Variants in XKR6 observed in about 807,000 individuals in gnomAD.
XKR6 encodes the protein XK-related protein 6.
A neutral mutation model predicts 56.7 loss-of-function variants in XKR6; 22 were observed. The ratio of observed to expected loss-of-function variants is 0.39; its 90% CI spans 0.28 to 0.55. The LOEUF (loss-of-function observed/expected upper bound fraction) is 0.55. XKR6 is among the 20% of genes least tolerant of loss of function. The probability of loss-of-function intolerance (pLI) is 0.66; values close to 1 mark genes in which losing one functional copy is unlikely to be tolerated. For missense variants in XKR6, 852 were observed against 889.0 expected, an observed-to-expected ratio of 0.96 and a Z score of 0.53; for synonymous variants, 524 against 387.8, an observed-to-expected ratio of 1.35 and a Z score of -4.13.
chr8:10,952,249 G>A (rs1394093507), intron 1 of XKR6, among the ~76,000 whole-genome samples: 1 of 152,048 alleles, frequency 6.6e-6, no homozygotes, highest in African/African-American at 2.4e-5. Context: ...GAAGTGATTG[G>A]GTAATGGGGT....
intron 1 of XKR6, among the ~76,000 whole-genome samples, chr8:11,144,244 G>GTGTGTA (rs1554471243): frequency 6.4e-4 from 96 of 149,536 alleles, no homozygotes; most frequent in African/African-American, 2.3e-3. Context: ...GTGTGTGTGT[G>GTGTGTA]TGTGTGTGTG....
At chr8:11,032,851 C>T (rs1457150577) in intron 1 of XKR6, among the ~76,000 whole-genome samples, 6 of 152,196 alleles carry the variant, frequency 3.9e-5, no homozygotes, top group Non-Finnish European at 8.8e-5. Flanking sequence ...CACTGGCCCT[C>T]CCCTCATGAG....
intron 1 of XKR6, among the ~76,000 whole-genome samples, chr8:11,144,938 CGAGGAAAGAAGGGAGAGAAGG>C (rs1258952500): frequency 4.7e-5 from 6 of 127,038 alleles, no homozygotes; most frequent in Non-Finnish European, 6.4e-5. Context: ...GGGAGAGAAG[CGAGGAAAGAAGGGAGAGAAGG>C]GAGGAAGGAA....
At chr8:11,069,853 G>C (rs183490245) in intron 1 of XKR6, among the ~76,000 whole-genome samples, 129 of 152,300 alleles carry the variant, frequency 8.5e-4, no homozygotes, top group African/African-American at 2.9e-3. Context: ...TGTGACAGGA[G>C]AGCTTCTAGG....
intron 1 of XKR6, among the ~76,000 whole-genome samples, chr8:11,040,907 G>T (rs1799270725): frequency 1.3e-5 from 2 of 152,162 alleles, no homozygotes; most frequent in Non-Finnish European, 2.9e-5. Context: ...CCAAATCTCA[G>T]TTTGGGGGCC....
At position 10,974,437 on chromosome 8, in the gene XKR6, C is replaced by T. The variant is rs562990803; in HGVS notation, c.765-49607G>A. On this transcript the variant is annotated intron_variant, in intron 1 of 2. Transcript: ENST00000416569. The stretch of plus-strand genomic sequence containing the variant: ...TTGAAACCACCCGCTCAGAGGGAGG[C>T]AGATGCTCCCCAGAAAGGCTACCAT... 8.5e-5 allele frequency among the ~76,000 whole-genome samples: 13 copies of T among 152,318 alleles called. No homozygotes were observed. The South Asian group carries it at 2.7e-3, about 32-fold the overall frequency.
At chr8:10,947,900 G>A (rs923550215) in intron 1 of XKR6, among the ~76,000 whole-genome samples, 18 of 152,288 alleles carry the variant, frequency 1.2e-4, no homozygotes, top group Non-Finnish European at 1.6e-4. Context: ...ATTCCTGGGC[G>A]ATCTTTTCAG....
At chr8:10,907,840 C>G (rs1800225004) in intron 2 of XKR6, among the ~76,000 whole-genome samples, 1 of 152,236 alleles carries the variant, frequency 6.6e-6, no homozygotes, top group Admixed American at 6.5e-5. Flanking sequence ...GAGGCCCTGC[C>G]TGAGTGTTCA....
intron 1 of XKR6, among the ~76,000 whole-genome samples, chr8:11,158,725 T>G (rs984198163): frequency 1.2e-4 from 19 of 152,308 alleles, no homozygotes; most frequent in South Asian, 2.1e-4. Context: ...CAGACAGGAA[T>G]GGCAGGCTTC....
intron 1 of XKR6, among the ~76,000 whole-genome samples, chr8:10,946,592 C>T (rs1377449524): frequency 6.6e-6 from 1 of 152,090 alleles, no homozygotes. Context: ...CCACAATCTG[C>T]CCGAAACATG....
At chr8:11,180,581 G>C (rs990892245) in intron 1 of XKR6, among the ~76,000 whole-genome samples, 1 of 152,206 alleles carries the variant, frequency 6.6e-6, no homozygotes. Context: ...AAATAGTACA[G>C]GGCAGGAGAA....
intron 1 of XKR6, among the ~76,000 whole-genome samples, chr8:11,005,895 G>C (rs1003900899): frequency 2.9e-5 from 4 of 139,978 alleles, no homozygotes; most frequent in African/African-American, 1.1e-4. Flanking sequence ...CCAGGCTAGA[G>C]CATAGTGGCA....
chr8:11,062,506 T>C, intron 1 of XKR6: 1 of 348,024 alleles, frequency 2.9e-6, no homozygotes, highest in Non-Finnish European at 5.6e-6. Context: ...GGTATTTCAT[T>C]ATCACCATCT....
chr8:11,174,700 C>A (rs942528761), intron 1 of XKR6, among the ~76,000 whole-genome samples: 5 of 152,268 alleles, frequency 3.3e-5, no homozygotes, highest in African/African-American at 1.2e-4. Context: ...CCAGAGGTCA[C>A]GCTCAGTTAC....
intron 1 of XKR6, among the ~76,000 whole-genome samples, chr8:11,177,335 C>A (rs1461199363): frequency 6.6e-6 from 1 of 152,184 alleles, no homozygotes; most frequent in African/African-American, 2.4e-5. Context: ...GTTACCTACA[C>A]TCAAACTTCA....
chr8:11,054,546 C>A (rs1198157377), intron 1 of XKR6, among the ~76,000 whole-genome samples: 1 of 152,208 alleles, frequency 6.6e-6, no homozygotes, highest in Non-Finnish European at 1.5e-5. Context: ...ATAAATCCAC[C>A]TGGCAATGTT....
intron 1 of XKR6, among the ~76,000 whole-genome samples, chr8:10,997,193 A>C (rs73539350): frequency 1.3e-5 from 2 of 152,112 alleles, no homozygotes; most frequent in Non-Finnish European, 2.9e-5. Context: ...CCCACCTAGC[A>C]AAGACACACA....
intron 1 of XKR6, among the ~76,000 whole-genome samples, chr8:11,161,180 T>C (rs925057227): frequency 6.6e-6 from 1 of 152,132 alleles, no homozygotes; most frequent in Non-Finnish European, 1.5e-5. Context: ...AAATCAAAGA[T>C]ATAGGATGGA....
At chr8:11,091,436 CAAAT>C (rs141357916) in intron 1 of XKR6, among the ~76,000 whole-genome samples, 1 of 142,998 alleles carries the variant, frequency 7.0e-6, no homozygotes, top group Non-Finnish European at 1.5e-5. Context: ...GACCCTGACT[CAAAT>C]AAATAAATAA....
Sources: allele counts gnomAD v4.1 joint callset (sites outside exome capture counted in the v4.1 genomes callset), GRCh38; gene constraint gnomAD v4.1.1; transcripts MANE v1.5; gene names NCBI Gene and HGNC (gene_info 2026-07-23, HGNC 2026-07-21).